Variants in ANKS1B observed in about 807,000 individuals in gnomAD.
ANKS1B encodes the protein ankyrin repeat and sterile alpha motif domain-containing protein 1B.
ANKS1B carries 36 observed loss-of-function variants against 148.3 expected under a neutral mutation model. The ratio of observed to expected loss-of-function variants is 0.24; its 90% CI spans 0.19 to 0.32. ANKS1B has a LOEUF of 0.32. Among genes scored for constraint, ANKS1B ranks in the 10% least tolerant of loss-of-function variants. The pLI is 1.00. For missense variants in ANKS1B, 1,157 were observed against 1,542.6 expected, an observed-to-expected ratio of 0.75 and a Z score of 4.19; for synonymous variants, 542 against 560.8, an observed-to-expected ratio of 0.97 and a Z score of 0.47.
intron 1 of ANKS1B, among the ~76,000 whole-genome samples, chr12:99,973,125 A>G (rs1322363155): frequency 6.6e-6 from 1 of 152,244 alleles, no homozygotes; most frequent in Non-Finnish European, 1.5e-5. Context: ...GCTCTGATGG[A>G]GATGTACAAG....
chr12:99,476,820 G>C (rs941217654), intron 10 of ANKS1B, among the ~76,000 whole-genome samples: 21 of 152,216 alleles, frequency 1.4e-4, no homozygotes, highest in African/African-American at 5.1e-4. Flanking sequence ...TGCTGACTCA[G>C]GGTCTCGAAG....
At position 99,146,833 on chromosome 12, in the gene ANKS1B, A is replaced by G. The variant is rs1601019490; in HGVS notation, c.2526+7456T>C. 2.6e-5 allele frequency among the ~76,000 whole-genome samples: 4 copies of G among 152,240 alleles called. No homozygotes were observed. In the East Asian group the frequency reaches 7.7e-4, roughly 29 times the overall value. ...AACTATGGGCTGTGCCTGGAGATACAGGGGATAAAAGCATACATCTAACTC... is the reference window on the plus strand; with the variant it reads ...AACTATGGGCTGTGCCTGGAGATACGGGGGATAAAAGCATACATCTAACTC... On this transcript the variant is annotated intron_variant, in intron 15 of 26. Coordinates refer to ENST00000683438, the MANE Select transcript of ANKS1B (RefSeq NM_001352186.2).
At chr12:99,909,640 T>C (rs1229246414) in intron 1 of ANKS1B, among the ~76,000 whole-genome samples, 1 of 151,886 alleles carries the variant, frequency 6.6e-6, no homozygotes, top group Non-Finnish European at 1.5e-5. Context: ...TATTATAACT[T>C]TGTAATATAG....
intron 16 of ANKS1B, among the ~76,000 whole-genome samples, chr12:99,074,589 G>T (rs546368165): frequency 3.3e-4 from 50 of 152,114 alleles, no homozygotes; most frequent in Non-Finnish European, 3.4e-4. Context: ...TCCTTCTCTC[G>T]ATGTGACCCC....
chr12:99,729,119 C>T (rs1199061900), intron 8 of ANKS1B, among the ~76,000 whole-genome samples: 1 of 152,170 alleles, frequency 6.6e-6, no homozygotes, highest in Non-Finnish European at 1.5e-5. Context: ...CTGTGTATTA[C>T]AATATGAACA....
In ANKS1B at chr12:98,948,947, CTT is replaced by C. The variant is rs869145338; in HGVS notation, c.2778+104208_2778+104209del. 5.3e-3 allele frequency among the ~76,000 whole-genome samples: 448 copies of C among 84,840 alleles called. 3 individuals are homozygous for C. The highest frequency in any genetic ancestry group is 0.016 in the Middle Eastern group (2 of 122). 55.7% of individuals were successfully genotyped at this position (84,840 alleles called of 152,430 possible). On this transcript the variant is annotated intron_variant, in intron 17 of 26. Transcript: ENST00000683438. ...AGGGGTGAGATATGAGCATGAGCTACTTTTTTTTTTTTTTTTTTTTTTTGAGA... is the reference window on the plus strand; with the variant it reads ...AGGGGTGAGATATGAGCATGAGCTACTTTTTTTTTTTTTTTTTTTTTGAGA...
chr12:99,412,873 C>T (rs1246777491), intron 11 of ANKS1B, among the ~76,000 whole-genome samples: 1 of 152,104 alleles, frequency 6.6e-6, no homozygotes, highest in African/African-American at 2.4e-5. Flanking sequence ...AGATGTCATG[C>T]AAATGGAAAA....
At chr12:99,148,287 T>C (rs1381840869) in intron 15 of ANKS1B, among the ~76,000 whole-genome samples, 1 of 152,162 alleles carries the variant, frequency 6.6e-6, no homozygotes, top group East Asian at 1.9e-4. Context: ...TAGTTAGTAA[T>C]GGGAGTTGTA....
At position 98,829,270 on chromosome 12, in the gene ANKS1B, A is replaced by G. The variant is rs954497910; in HGVS notation, c.2970T>C (p.Val990=). Residue 990 remains valine, a synonymous_variant, in exon 19 of 27, where the codon GTT becomes GTC. Transcript: ENST00000683438. This position sits in a 1 kb window ranked among gnomAD's most constrained non-coding sequence, Gnocchi z 5.2. ...STYTTGGSLD[V]PHIIMQGDAR... ...CATCGCCCTGCATGATAATGTGAGGAACGTCTAGGGAGCCACCAGTGGTGT... is the reference window on the plus strand; with the variant it reads ...CATCGCCCTGCATGATAATGTGAGGGACGTCTAGGGAGCCACCAGTGGTGT... 2.5e-6 allele frequency: 4 copies of G among 1,613,906 alleles called. No individual in the cohort carries two copies. In the African/African-American group the frequency reaches 5.3e-5, roughly 22 times the overall value.
At chr12:99,213,524 T>G (rs1374086858) in intron 14 of ANKS1B, among the ~76,000 whole-genome samples, 1 of 152,134 alleles carries the variant, frequency 6.6e-6, no homozygotes, top group Non-Finnish European at 1.5e-5. Flanking sequence ...CTAAAGCAGA[T>G]TACCTTTGAA....
At chr12:99,263,743 ACACT>A (rs1327303760) in intron 12 of ANKS1B, among the ~76,000 whole-genome samples, 3 of 151,924 alleles carry the variant, frequency 2.0e-5, no homozygotes, top group Non-Finnish European at 4.4e-5. Flanking sequence ...TCCTACACAC[ACACT>A]CACTCTCTCT....
intron 17 of ANKS1B, among the ~76,000 whole-genome samples, chr12:99,012,138 T>C (rs1222378061): frequency 6.6e-6 from 1 of 152,234 alleles, no homozygotes; most frequent in Admixed American, 6.5e-5. Context: ...AAACAGTGCA[T>C]AAGCAACCCC....
At chr12:99,660,115 A>T (rs560816919) in intron 8 of ANKS1B, among the ~76,000 whole-genome samples, 1 of 152,306 alleles carries the variant, frequency 6.6e-6, no homozygotes, top group South Asian at 2.1e-4. Context: ...TCTAAAGTAA[A>T]ATTGCTTTAT....
intron 9 of ANKS1B, among the ~76,000 whole-genome samples, chr12:99,583,231 C>T (rs2097587618): frequency 6.6e-6 from 1 of 152,108 alleles, no homozygotes; most frequent in Non-Finnish European, 1.5e-5. Context: ...GGTTTTTCTC[C>T]ATTCCAAGAG....
intron 1 of ANKS1B, among the ~76,000 whole-genome samples, chr12:99,977,332 T>A (rs1312683770): frequency 6.6e-6 from 1 of 152,136 alleles, no homozygotes; most frequent in Non-Finnish European, 1.5e-5. Context: ...TTGTTTTTTA[T>A]AGAGACAGGG....
chr12:99,944,537 G>A (rs1203645342), intron 1 of ANKS1B, among the ~76,000 whole-genome samples: 2 of 152,162 alleles, frequency 1.3e-5, no homozygotes, highest in Non-Finnish European at 2.9e-5. Flanking sequence ...TTTTATTTGT[G>A]TATAACCTAC....
At chr12:99,238,355 C>T (rs538214906) in intron 14 of ANKS1B, among the ~76,000 whole-genome samples, 23 of 152,264 alleles carry the variant, frequency 1.5e-4, no homozygotes, top group African/African-American at 5.3e-4. Flanking sequence ...GAGGGGCATC[C>T]GTCACTGTTG....
At chr12:99,036,287 T>C (rs1323466256) in intron 17 of ANKS1B, among the ~76,000 whole-genome samples, 10 of 152,130 alleles carry the variant, frequency 6.6e-5, no homozygotes, top group African/African-American at 2.2e-4. Flanking sequence ...CAGTATCATC[T>C]TATATATATG....
At chr12:99,601,832 C>T (rs969760800) in intron 9 of ANKS1B, among the ~76,000 whole-genome samples, 7 of 151,956 alleles carry the variant, frequency 4.6e-5, no homozygotes, top group Non-Finnish European at 7.4e-5. Context: ...CTAGTAAGAC[C>T]TCCTGTTCTT....
Sources: allele counts gnomAD v4.1 joint callset (sites outside exome capture counted in the v4.1 genomes callset), GRCh38; gene constraint gnomAD v4.1.1; non-coding constraint Gnocchi (gnomAD v3.1); transcripts MANE v1.5; gene names NCBI Gene and HGNC (gene_info 2026-07-23, HGNC 2026-07-21).